Variants in SPATA1 observed in about 807,000 individuals in gnomAD.
SPATA1 encodes the protein spermatogenesis-associated protein 1.
A neutral mutation model predicts 59.6 loss-of-function variants in SPATA1; 57 were observed. That is an observed-to-expected ratio of 0.96 (90% CI 0.77 to 1.19). SPATA1 has a LOEUF of 1.19. Ranked by LOEUF, SPATA1 falls within the 50% of genes most tolerant of loss-of-function variation. The pLI is 0.00. For synonymous variants in SPATA1, 147 were observed against 163.9 expected (o/e 0.90, Z 0.79); for missense variants, 448 against 480.7 (o/e 0.93, Z 0.64).
At chr1:84,543,068 G>A (rs1052294662) in intron 8 of SPATA1, among the ~76,000 whole-genome samples, 1 of 152,064 alleles carries the variant, frequency 6.6e-6, no homozygotes, top group African/African-American at 2.4e-5. Context: ...TATAATAAAA[G>A]TTATGTGAAT....
intron 6 of SPATA1, among the ~76,000 whole-genome samples, chr1:84,530,135 C>T (rs574223122): frequency 6.6e-6 from 1 of 152,320 alleles, no homozygotes; most frequent in South Asian, 2.1e-4. Flanking sequence ...CCACCTCGGC[C>T]TCCCAAAGTG....
intron 10 of SPATA1, among the ~76,000 whole-genome samples, chr1:84,546,799 A>ATG (rs148224749): frequency 4.6e-5 from 7 of 151,810 alleles, no homozygotes; most frequent in South Asian, 2.1e-4. Flanking sequence ...ATTTTTTGAT[A>ATG]TGTGTGTGTG....
At chr1:84,555,546 G>GTA (rs920774372), downstream of SPATA1, among the ~76,000 whole-genome samples, 28 of 152,178 alleles carry the variant, frequency 1.8e-4, no homozygotes, top group Non-Finnish European at 2.9e-4. Flanking sequence ...AGGAACATCT[G>GTA]TACTTTCTAG....
chr1:84,562,837 G>T (rs1377931476), intron 4 of SPATA1, among the ~76,000 whole-genome samples: 1 of 152,102 alleles, frequency 6.6e-6, no homozygotes, highest in Non-Finnish European at 1.5e-5. Context: ...CACCTCTTCT[G>T]TTCTCAGCCT....
intron 4 of SPATA1, chr1:84,563,236 A>G (rs1266222439): frequency 7.0e-7 from 1 of 1,423,432 alleles, no homozygotes; most frequent in Non-Finnish European, 9.3e-7. Context: ...ATAAATGCTC[A>G]TAACTTACGA....
Position 84,520,626 on chromosome 1 carries a change from G to A in SPATA1, c.78G>A (p.Trp26Ter), listed in dbSNP as rs773996261. ...TTTTTTATGTCCCTGAAGGATCATG[G>A]AACTATAAGCTAAATACCATTTCAA... Residue 26 changes from tryptophan to a stop codon, truncating the protein, a stop_gained, in exon 3 of 13, where the codon TGG (tryptophan) becomes TGA (stop). Coordinates refer to ENST00000490879, the Ensembl canonical transcript of SPATA1. LOFTEE classifies it high-confidence loss of function. 19 of 1,579,178 alleles carry A rather than the reference G, an allele frequency of 1.2e-5. No individual in the cohort carries two copies. The highest frequency in any genetic ancestry group is 1.5e-5 in the Non-Finnish European group (18 of 1,165,522).
At chr1:84,539,475 A>G (rs538366131) in intron 8 of SPATA1, among the ~76,000 whole-genome samples, 1 of 152,334 alleles carries the variant, frequency 6.6e-6, no homozygotes, top group Admixed American at 6.5e-5. Context: ...CCTCAATAAT[A>G]CATACTGTCT....
At chr1:84,565,605 C>T (rs1160828884) in intron 4 of SPATA1, among the ~76,000 whole-genome samples, 1 of 152,068 alleles carries the variant, frequency 6.6e-6, no homozygotes, top group Non-Finnish European at 1.5e-5. Flanking sequence ...TTCTTTTTAT[C>T]TCATCTAGAA....
chr1:84,524,181 C>T (rs1392718502), intron 4 of SPATA1, among the ~76,000 whole-genome samples: 1 of 151,736 alleles, frequency 6.6e-6, no homozygotes, highest in Non-Finnish European at 1.5e-5. Flanking sequence ...TTTGTTCTTG[C>T]AAAGATGAAA....
chr1:84,545,781 T>C (rs756313192), intron 10 of SPATA1, 22 bp downstream of exon 10: 27 of 1,437,144 alleles, frequency 1.9e-5, no homozygotes, highest in Non-Finnish European at 2.2e-5. Flanking sequence ...TACATACCTT[T>C]TATCACTATA....
intron 11 of SPATA1, chr1:84,549,872 C>CT (rs11435445): frequency 0.4 from 59,894 of 148,300 alleles, 14,371 homozygotes; most frequent in African/African-American, 0.68. Context: ...GTAGTTGGTA[C>CT]TTTTTTTTTT....
intron 6 of SPATA1, among the ~76,000 whole-genome samples, chr1:84,526,537 T>A (rs1683232224): frequency 6.6e-6 from 1 of 152,180 alleles, no homozygotes. Flanking sequence ...TGATTACACC[T>A]ATCAATTTAC....
chr1:84,519,516 C>T (rs1396034414), intron 2 of SPATA1, among the ~76,000 whole-genome samples: 1 of 151,822 alleles, frequency 6.6e-6, no homozygotes, highest in African/African-American at 2.4e-5. Context: ...AATATTAATA[C>T]ATTTATATAA....
At chr1:84,529,285 CCA>C (rs1470941841) in intron 6 of SPATA1, among the ~76,000 whole-genome samples, 1 of 134,300 alleles carries the variant, frequency 7.4e-6, no homozygotes, top group Non-Finnish European at 1.6e-5. Flanking sequence ...GGAAAGAAAT[CCA>C]GTTTTTAAAA....
chr1:84,510,822 C>T (rs1278336555), intron 1 of SPATA1, among the ~76,000 whole-genome samples: 1 of 152,024 alleles, frequency 6.6e-6, no homozygotes, highest in African/African-American at 2.4e-5. Context: ...AATGGAGTAC[C>T]GTTCCGCCAT....
At chr1:84,525,659 C>A in intron 4 of SPATA1, 37 bp from the exon 5 acceptor site, 3 of 1,530,980 alleles carry the variant, frequency 2.0e-6, no homozygotes, top group Non-Finnish European at 1.8e-6. Context: ...AAAAATGTAG[C>A]AAAAGCTTTA....
chr1:84,509,714 G>A (rs142796951), intron 1 of SPATA1, among the ~76,000 whole-genome samples: 129 of 152,216 alleles, frequency 8.5e-4, no homozygotes, highest in Non-Finnish European at 1.5e-3. Context: ...TGCAGTAAGC[G>A]GAGATCACGC....
In SPATA1 at chr1:84,548,886, TAA is replaced by T. The variant is rs1570454112; in HGVS notation, c.1052_1053del (p.Lys351ThrfsTer6). 1.9e-6 allele frequency: 3 copies of T among 1,596,330 alleles called. No individual in the cohort carries two copies. The East Asian group carries it at 6.9e-5, about 37-fold the overall frequency. ...TTCGAGAAGATTTGGAACTCTACTATAAAAAACTGCTCATGCAACTTGAAGCC... is the reference window on the plus strand; with the variant it reads ...TTCGAGAAGATTTGGAACTCTACTATAAAACTGCTCATGCAACTTGAAGCC... On this transcript the variant is annotated frameshift_variant, in exon 11 of 13. Coordinates refer to ENST00000490879, the Ensembl canonical transcript of SPATA1. LOFTEE classifies it high-confidence loss of function.
chr1:84,549,232 T>C (rs1443193416), intron 11 of SPATA1, among the ~76,000 whole-genome samples: 6 of 152,114 alleles, frequency 3.9e-5, no homozygotes, highest in Non-Finnish European at 7.4e-5. Flanking sequence ...ATAGTAGCAA[T>C]AGAGTGGTCA....
Sources: gnomAD v4.1 joint callset for allele counts (sites outside exome capture counted in the v4.1 genomes callset) on GRCh38, gnomAD v4.1.1 for gene constraint, MANE v1.5 for transcripts, NCBI Gene and HGNC (gene_info 2026-07-23, HGNC 2026-07-21) for gene names.